Variants in CTSC observed in about 807,000 individuals in gnomAD.
CTSC encodes dipeptidyl peptidase 1.
CTSC carries 37 observed loss-of-function variants against 40.9 expected under a neutral mutation model. That is an observed-to-expected ratio of 0.91 (90% CI 0.70 to 1.19). The LOEUF (loss-of-function observed/expected upper bound fraction) is 1.19. CTSC is among the 50% of genes most tolerant of loss of function. The probability of loss-of-function intolerance (pLI) is 0.00; values close to 1 mark genes in which losing one functional copy is unlikely to be tolerated. For synonymous variants in CTSC, 232 were observed against 207.4 expected (o/e 1.12, Z -1.02); for missense variants, 594 against 567.3 (o/e 1.05, Z -0.48).
chr11:88,302,579 T>C (rs1439999496), intron 4 of CTSC, among the ~76,000 whole-genome samples: 3 of 136,436 alleles, frequency 2.2e-5, no homozygotes, highest in East Asian at 2.1e-4. Context: ...TGAGCCGAGA[T>C]TGCACCACTG....
intron 2 of CTSC, among the ~76,000 whole-genome samples, chr11:88,313,095 A>T (rs1328606619): frequency 6.6e-6 from 1 of 152,086 alleles, no homozygotes; most frequent in Non-Finnish European, 1.5e-5. Flanking sequence ...CCAGGGATGG[A>T]GTCTTGCTGT....
chr11:88,315,465 A>C (rs1937853585), intron 2 of CTSC, among the ~76,000 whole-genome samples: 1 of 152,256 alleles, frequency 6.6e-6, no homozygotes, highest in Non-Finnish European at 1.5e-5. Flanking sequence ...TGAGTTCTAT[A>C]GGAAAGGGGT....
chr11:88,327,590 A>C (rs1330429867), intron 2 of CTSC, among the ~76,000 whole-genome samples: 1 of 152,222 alleles, frequency 6.6e-6, no homozygotes, highest in African/African-American at 2.4e-5. Context: ...ATAGTCTATT[A>C]AGACTATTTT....
At chr11:88,308,292 G>C (rs1937679090) in intron 4 of CTSC, among the ~76,000 whole-genome samples, 1 of 152,266 alleles carries the variant, frequency 6.6e-6, no homozygotes, top group African/African-American at 2.4e-5. Flanking sequence ...GTCAGGCTGT[G>C]GGGAGAAGAG....
intron 5 of CTSC, chr11:88,297,006 G>A (rs927513002): frequency 1.2e-4 from 18 of 153,332 alleles, no homozygotes; most frequent in African/African-American, 4.3e-4. Flanking sequence ...AATTCATCTA[G>A]TGTACAACCT....
Position 88,333,086 on chromosome 11 carries a change from C to T in CTSC, c.318+1851G>A, listed in dbSNP as rs148786083. ...CAGCCACCAGCTAATTCCCTCTGTC[C>T]CTACCAGCTTTGGACTACTATTTAA... On this transcript the variant is annotated intron_variant, in intron 2 of 6. Coordinates refer to ENST00000227266, the MANE Select transcript of CTSC (RefSeq NM_001814.6). 5.7e-3 allele frequency among the ~76,000 whole-genome samples: 874 copies of T among 152,284 alleles called. 11 individuals carry two copies. The highest frequency in any genetic ancestry group is 0.017 in the African/African-American group (701 of 41,550).
intron 4 of CTSC, among the ~76,000 whole-genome samples, chr11:88,306,744 C>T (rs935298278): frequency 1.3e-5 from 2 of 152,244 alleles, no homozygotes; most frequent in Admixed American, 6.5e-5. Flanking sequence ...TTCTGGTACA[C>T]TGAGCAAGAA....
intron 2 of CTSC, chr11:88,326,060 G>C (rs1938173987): frequency 1.8e-6 from 2 of 1,129,178 alleles, no homozygotes; most frequent in African/African-American, 3.2e-5. Context: ...TAATAGAAGG[G>C]ATTTCAAAAG....
chr11:88,312,344 C>G lies in CTSC; in HGVS notation c.485+44G>C, dbSNP rs773802041. 9 of 1,591,972 alleles carry G rather than the reference C, an allele frequency of 5.7e-6. No homozygotes were observed. In the South Asian group the frequency reaches 7.7e-5, roughly 14 times the overall value. On this transcript the variant is annotated intron_variant, in intron 3 of 6. Coordinates refer to ENST00000227266, the MANE Select transcript of CTSC (RefSeq NM_001814.6). ...AAATGTACACACATATTCATATATACTATAAAACAAAACTAAACGTATGTC... is the reference window on the plus strand; with the variant it reads ...AAATGTACACACATATTCATATATAGTATAAAACAAAACTAAACGTATGTC...
chr11:88,303,914 C>CAGAGAG (rs147665714), intron 4 of CTSC, among the ~76,000 whole-genome samples: 1 of 148,190 alleles, frequency 6.7e-6, no homozygotes, highest in Non-Finnish European at 1.5e-5. Context: ...GGAAGAAGAT[C>CAGAGAG]AGAGAGAGAG....
Position 88,329,552 on chromosome 11 carries a change from T to TTGGTG in CTSC, c.318+5380_318+5384dup, listed in dbSNP as rs1938291126. On this transcript the variant is annotated intron_variant, in intron 2 of 6. Coordinates refer to ENST00000227266, the MANE Select transcript of CTSC (RefSeq NM_001814.6). ...ACAGGACTTCCTGTCTCTGGGCAAT[T>TTGGTG]TGGTGGAGAGAATGCTACACAGAGG... 2.0e-5 allele frequency among the ~76,000 whole-genome samples: 3 copies of TTGGTG among 151,498 alleles called. No individual in the cohort carries two copies. In the South Asian group the frequency reaches 6.3e-4, roughly 32 times the overall value.
chr11:88,312,812 AC>A (rs2134786737), intron 2 of CTSC, among the ~76,000 whole-genome samples: 1 of 152,324 alleles, frequency 6.6e-6, no homozygotes, highest in South Asian at 2.1e-4. Context: ...ACAAAACAAA[AC>A]AAAAAAGAAA....
chr11:88,331,492 C>A (rs1311769377), intron 2 of CTSC, among the ~76,000 whole-genome samples: 2 of 152,138 alleles, frequency 1.3e-5, no homozygotes, highest in African/African-American at 2.4e-5. Context: ...TGGAAGGGTC[C>A]CAGACACAGG....
intron 2 of CTSC, chr11:88,326,387 C>T (rs754765040): frequency 3.4e-5 from 55 of 1,613,912 alleles, no homozygotes; most frequent in South Asian, 3.0e-4. Context: ...TTAGCCCCAA[C>T]GTCTGTTCAT....
In CTSC at chr11:88,294,312, A is replaced by C. The variant is rs376472451; in HGVS notation, c.1086T>G (p.Leu362=). ...YGGCNEALMK[L]ELVHHGPMAV... is the part of the protein sequence containing the mutation. ...CCATGGGCCCATGATGGACCAACTC[A>C]AGCTTCATCAGGGCTTCATTGCAGC... Residue 362 remains leucine, a synonymous_variant, in exon 7 of 7, where the codon CTT becomes CTG. Coordinates refer to ENST00000227266, the MANE Select transcript of CTSC (RefSeq NM_001814.6). The C allele has an allele frequency of 6.8e-6, 11 of 1,613,970 alleles. No homozygotes were observed. Among genetic ancestry groups the C allele is most frequent in the Non-Finnish European group, 9.3e-6 (11 of 1,180,018 alleles).
intron 2 of CTSC, among the ~76,000 whole-genome samples, chr11:88,316,396 G>A (rs1257342266): frequency 1.3e-5 from 2 of 149,974 alleles, no homozygotes; most frequent in Non-Finnish European, 2.9e-5. Context: ...AATCACTTGA[G>A]GCCAGGTGTT....
At chr11:88,336,328 C>G (rs1165791613) in intron 1 of CTSC, among the ~76,000 whole-genome samples, 1 of 150,902 alleles carries the variant, frequency 6.6e-6, no homozygotes, top group African/African-American at 2.4e-5. Flanking sequence ...ATCACGAGGT[C>G]AGGAGATGGA....
intron 2 of CTSC, among the ~76,000 whole-genome samples, chr11:88,334,327 T>C (rs892522365): frequency 6.6e-6 from 1 of 152,138 alleles, no homozygotes; most frequent in Non-Finnish European, 1.5e-5. Context: ...TTGGAAAAAG[T>C]GTGTTATGAG....
At chr11:88,314,222 A>AGCT (rs1372672823) in intron 2 of CTSC, among the ~76,000 whole-genome samples, 1 of 152,234 alleles carries the variant, frequency 6.6e-6, no homozygotes, top group Non-Finnish European at 1.5e-5. Context: ...CAAAGGGAAT[A>AGCT]CATAAATGAA....
Sources: gnomAD v4.1 joint callset for allele counts (sites outside exome capture counted in the v4.1 genomes callset) on GRCh38, gnomAD v4.1.1 for gene constraint, MANE v1.5 for transcripts, NCBI Gene and HGNC (gene_info 2026-07-23, HGNC 2026-07-21) for gene names.